The following ZSCAN25 variants were observed in gnomAD, a reference collection of about 807,000 sequenced individuals.
The protein encoded by ZSCAN25 is zinc finger and SCAN domain containing 25.
In ZSCAN25, 27 loss-of-function variants were observed where a neutral mutation model predicts 38.7. The observed-to-expected ratio is 0.70, with a 90% CI of 0.51 to 0.96. The LOEUF (loss-of-function observed/expected upper bound fraction) is 0.96. ZSCAN25 is among the 40% of genes least tolerant of loss of function. The pLI, the probability that ZSCAN25 is intolerant of heterozygous loss-of-function variation, is 0.00. For missense variants in ZSCAN25, 637 were observed against 705.9 expected (o/e 0.90, Z 1.11); for synonymous variants, 273 against 277.7 (o/e 0.98, Z 0.17).
chr7:99,733,976 A>G, the ZSCAN25 span, among the ~76,000 whole-genome samples: 1 of 152,252 alleles, frequency 6.6e-6, no homozygotes, highest in Non-Finnish European at 1.5e-5. Flanking sequence ...TTATTCTGGA[A>G]AGGTGAGGTT....
the ZSCAN25 span, chr7:99,663,443 A>G: frequency 1.0e-6 from 1 of 989,966 alleles, no homozygotes; most frequent in Non-Finnish European, 1.2e-6. Context: ...GGCAAAGCTG[A>G]GTTAGCCAGC....
the ZSCAN25 span, among the ~76,000 whole-genome samples, chr7:99,735,518 C>G: frequency 7.7e-4 from 117 of 152,280 alleles, no homozygotes; most frequent in East Asian, 0.017. Context: ...ATACTTGAAA[C>G]TCATCCCAAC....
Position 99,630,948 on chromosome 7 carries a change from C to G in ZSCAN25, c.*928C>G. 1 of 958,174 alleles carries G rather than the reference C, an allele frequency of 1.0e-6. No individual in the cohort carries two copies. Among genetic ancestry groups the G allele is most frequent in the Non-Finnish European group, 1.2e-6 (1 of 805,190 alleles). 59.4% of individuals were successfully genotyped at this position (958,174 alleles called of 1,614,324 possible). ...CTATATTTGATGGCACTTTATAGTT[C>G]ATAAAATTAATTTCACCCCATTCTC... On this transcript the variant is annotated 3_prime_UTR_variant, in exon 8 of 8. Transcript: ENST00000394152.
Position 99,632,103 on chromosome 7 carries a change from A to T in ZSCAN25, c.*2083A>T, listed in dbSNP as rs961831392. The T allele has an allele frequency of 9.1e-6, 9 of 985,266 alleles. No homozygotes were observed. The highest frequency in any genetic ancestry group is 5.2e-4 in the Middle Eastern group (1 of 1,936). The allele number at this position is 985,266 out of a possible 1,614,324, so 61.0% of individuals were successfully genotyped here. On this transcript the variant is annotated 3_prime_UTR_variant, in exon 8 of 8. Coordinates refer to ENST00000394152, the MANE Select transcript of ZSCAN25 (RefSeq NM_145115.3). ...AGCCAGCATTCCTCTGGGTTTCAGCAAGTTGGCATATCTTAAGCTTCAGAA... is the reference window on the plus strand; with the variant it reads ...AGCCAGCATTCCTCTGGGTTTCAGCTAGTTGGCATATCTTAAGCTTCAGAA...
chr7:99,683,906 TAAAG>T, the ZSCAN25 span, among the ~76,000 whole-genome samples: 1 of 152,092 alleles, frequency 6.6e-6, no homozygotes, highest in African/African-American at 2.4e-5. Context: ...GAAGGGAAAG[TAAAG>T]AAAGAAGTGG....
chr7:99,654,899 T>C, the ZSCAN25 span, among the ~76,000 whole-genome samples: 1 of 152,238 alleles, frequency 6.6e-6, no homozygotes, highest in Non-Finnish European at 1.5e-5. Context: ...TGTCTGTTCA[T>C]ATCCTTCCCC....
chr7:99,696,312 A>G, the ZSCAN25 span, among the ~76,000 whole-genome samples: 1 of 151,712 alleles, frequency 6.6e-6, no homozygotes, highest in Non-Finnish European at 1.5e-5. Context: ...AGGGTCACTG[A>G]GAGCCTATGG....
chr7:99,695,635 T>C, the ZSCAN25 span: 6,227 of 893,198 alleles, frequency 7.0e-3, 251 homozygotes, highest in African/African-American at 0.084. Flanking sequence ...ACACTGTTTC[T>C]GAAAGTGTAA....
At chr7:99,688,745 A>C in the ZSCAN25 span, among the ~76,000 whole-genome samples, 290 of 152,336 alleles carry the variant, frequency 1.9e-3, 1 homozygote, top group Non-Finnish European at 1.5e-3. Flanking sequence ...CACCTATTCC[A>C]AAATTGACCA....
At chr7:99,717,287 A>G in the ZSCAN25 span, 4 of 1,613,662 alleles carry the variant, frequency 2.5e-6, no homozygotes, top group Non-Finnish European at 3.4e-6. Context: ...ACACAACACC[A>G]CCCATAGTTA....
chr7:99,684,875 G>T, the ZSCAN25 span: 1 of 276,464 alleles, frequency 3.6e-6, no homozygotes, highest in Non-Finnish European at 6.8e-6. Context: ...CTAACTAGGG[G>T]TGGCTGAGAT....
the ZSCAN25 span, among the ~76,000 whole-genome samples, chr7:99,716,858 C>T: frequency 1.3e-5 from 2 of 152,212 alleles, no homozygotes; most frequent in African/African-American, 4.8e-5. Context: ...CCATCCCATA[C>T]ACTCCATGCT....
the ZSCAN25 span, among the ~76,000 whole-genome samples, chr7:99,678,109 C>T: frequency 7.2e-5 from 11 of 152,234 alleles, no homozygotes; most frequent in Admixed American, 7.2e-4. Context: ...TTTCTGACTC[C>T]TGGGCTGCAC....
chr7:99,661,299 A>G, the ZSCAN25 span, among the ~76,000 whole-genome samples: 5 of 152,178 alleles, frequency 3.3e-5, no homozygotes, highest in Admixed American at 2.0e-4. Flanking sequence ...TCAAAATCCA[A>G]ACTTGCAGGA....
At chr7:99,679,985 G>C in the ZSCAN25 span, 2 of 1,103,572 alleles carry the variant, frequency 1.8e-6, no homozygotes, top group Non-Finnish European at 2.8e-6. Context: ...GAGCTTCCCT[G>C]CCCTGCACAG....
chr7:99,656,115 T>G, the ZSCAN25 span, among the ~76,000 whole-genome samples: 1 of 152,210 alleles, frequency 6.6e-6, no homozygotes, highest in African/African-American at 2.4e-5. Flanking sequence ...TCCAACACTA[T>G]GTTGAATAGG....
the ZSCAN25 span, among the ~76,000 whole-genome samples, chr7:99,689,206 CA>C: frequency 6.6e-6 from 1 of 151,640 alleles, no homozygotes; most frequent in Non-Finnish European, 1.5e-5. Context: ...AAAAACCCTT[CA>C]AAAAATTAAT....
At chr7:99,708,152 C>T in the ZSCAN25 span, among the ~76,000 whole-genome samples, 1 of 152,144 alleles carries the variant, frequency 6.6e-6, no homozygotes, top group South Asian at 2.1e-4. Flanking sequence ...AGGTACAGAT[C>T]CTTTCTACTC....
the ZSCAN25 span, among the ~76,000 whole-genome samples, chr7:99,639,422 C>T: frequency 6.6e-6 from 1 of 152,118 alleles, no homozygotes; most frequent in African/African-American, 2.4e-5. Context: ...AGGGCAGGGG[C>T]CTGCAATTCT....
Sources: gnomAD v4.1 joint callset for allele counts (sites outside exome capture counted in the v4.1 genomes callset) on GRCh38, gnomAD v4.1.1 for gene constraint, MANE v1.5 for transcripts, NCBI Gene and HGNC (gene_info 2026-07-23, HGNC 2026-07-21) for gene names.